Variants in IGF2BP2 observed in about 807,000 individuals in gnomAD.
IGF2BP2 encodes insulin like growth factor 2 mRNA binding protein 2, also known as insulin-like growth factor 2 mRNA-binding protein 2.
In IGF2BP2, 17 loss-of-function variants were observed where a neutral mutation model predicts 75.8. That is an observed-to-expected ratio of 0.22 (90% CI 0.15 to 0.34). The LOEUF (loss-of-function observed/expected upper bound fraction) is 0.34, where lower values mean the gene tolerates loss of function less well. Among genes scored for constraint, IGF2BP2 ranks in the 10% least tolerant of loss-of-function variants. IGF2BP2 has a pLI of 1.00. For missense variants in IGF2BP2, 516 were observed against 772.4 expected (o/e 0.67, Z 3.93); for synonymous variants, 288 against 295.6 (o/e 0.97, Z 0.26).
Position 185,672,565 on chromosome 3 carries a change from G to A in IGF2BP2, c.1176C>T (p.Pro392=), listed in dbSNP as rs769463946. The change falls in exon 10 of 16, where the codon CCC becomes CCT. Residue 392 remains proline, a synonymous_variant. Transcript: ENST00000382199. ...CAGTGAAGGGGTGGTAGGGGGCAGC[G>A]GGGGGAGCTCCGCGGGGCCCTGCTG... is the stretch of plus-strand genomic sequence containing the variant. ...SPPAGPRGAP[P]AAPYHPFTTH... The A allele has an allele frequency of 4.2e-5, 68 of 1,611,966 alleles. No homozygotes were observed. Among genetic ancestry groups the A allele is most frequent in the Admixed American group, 2.0e-4 (12 of 59,928 alleles).
intron 2 of IGF2BP2, among the ~76,000 whole-genome samples, chr3:185,730,286 T>A (rs1195789132): frequency 1.3e-5 from 2 of 152,184 alleles, no homozygotes; most frequent in Non-Finnish European, 2.9e-5. Context: ...AATAATTTCA[T>A]TCCTTTGTAT....
intron 2 of IGF2BP2, among the ~76,000 whole-genome samples, chr3:185,820,212 G>A (rs1214371356): frequency 7.5e-6 from 1 of 133,056 alleles, no homozygotes; most frequent in Non-Finnish European, 1.5e-5. Context: ...GTATGTGTGT[G>A]TGTGTATGTG....
intron 2 of IGF2BP2, among the ~76,000 whole-genome samples, chr3:185,784,769 G>A (rs760678787): frequency 3.9e-5 from 6 of 152,166 alleles, no homozygotes; most frequent in Non-Finnish European, 1.5e-5. Context: ...AGGGTACAAT[G>A]GGCATTTGCA....
At chr3:185,651,541 C>T (rs974176609) in intron 13 of IGF2BP2, among the ~76,000 whole-genome samples, 2 of 152,136 alleles carry the variant, frequency 1.3e-5, no homozygotes, top group Non-Finnish European at 2.9e-5. Context: ...AGTGGTTCCA[C>T]ATGTGTGAAT....
chr3:185,808,303 T>C (rs911273630), intron 2 of IGF2BP2, among the ~76,000 whole-genome samples: 6 of 141,952 alleles, frequency 4.2e-5, no homozygotes, highest in African/African-American at 1.7e-4. Flanking sequence ...GGTGAAACAC[T>C]GTCTCTACTA....
rs1722317432 is a variant in IGF2BP2 at position 185,694,362 on chromosome 3, G to C, written c.341-1600C>G. Among the ~76,000 whole-genome samples the C allele has an allele frequency of 2.0e-5, 3 of 152,162 alleles. No individual in the cohort carries two copies. In the South Asian group the frequency reaches 6.2e-4, roughly 32 times the overall value. On this transcript the variant is annotated intron_variant, in intron 4 of 15. Transcript: ENST00000382199. ...ACCTCCTGAATAAAGCTATCCATTA[G>C]GATTCTCAGATTCTGTGCTCACTTC...
chr3:185,757,392 T>G (rs1372839180), intron 2 of IGF2BP2, among the ~76,000 whole-genome samples: 2 of 152,272 alleles, frequency 1.3e-5, no homozygotes, highest in East Asian at 3.9e-4. Context: ...TGTTTTTATA[T>G]TTTCCTTTCT....
intron 2 of IGF2BP2, among the ~76,000 whole-genome samples, chr3:185,747,990 C>T (rs1196355797): frequency 6.6e-6 from 1 of 151,814 alleles, no homozygotes; most frequent in Non-Finnish European, 1.5e-5. Flanking sequence ...CGAGTAGCTG[C>T]GACTACAGGC....
chr3:185,741,321 G>C (rs79108629), intron 2 of IGF2BP2, among the ~76,000 whole-genome samples: 1 of 152,246 alleles, frequency 6.6e-6, no homozygotes, highest in East Asian at 1.9e-4. Context: ...AAATCCAACA[G>C]AACCATATGC....
chr3:185,700,684 T>C (rs532825203), intron 2 of IGF2BP2, among the ~76,000 whole-genome samples: 1 of 152,290 alleles, frequency 6.6e-6, no homozygotes, highest in East Asian at 1.9e-4. Context: ...TGACTCCAAC[T>C]GCTAACCAAC....
intron 4 of IGF2BP2, 51 bp downstream of exon 4, chr3:185,696,561 A>G: frequency 1.3e-6 from 2 of 1,497,456 alleles, no homozygotes; most frequent in Non-Finnish European, 1.9e-6. Context: ...CCTATAAGAA[A>G]TAACAGATAA....
intron 2 of IGF2BP2, among the ~76,000 whole-genome samples, chr3:185,762,126 G>A (rs940666272): frequency 4.6e-5 from 7 of 152,106 alleles, no homozygotes; most frequent in Non-Finnish European, 7.4e-5. Context: ...GGTGGCTCAC[G>A]CCTGTAATCC....
At chr3:185,710,716 G>C (rs550803342) in intron 2 of IGF2BP2, among the ~76,000 whole-genome samples, 1 of 151,962 alleles carries the variant, frequency 6.6e-6, no homozygotes, top group East Asian at 1.9e-4. Context: ...CTGGGCAATA[G>C]AGCGAGACTC....
chr3:185,648,330 G>A (rs1577790465), intron 14 of IGF2BP2, among the ~76,000 whole-genome samples: 1 of 151,952 alleles, frequency 6.6e-6, no homozygotes, highest in Non-Finnish European at 1.5e-5. Context: ...GGGCATGGTG[G>A]CGGGCGCCTG....
chr3:185,652,330 AG>A (rs1714739096), intron 12 of IGF2BP2, among the ~76,000 whole-genome samples, 162 bp from the exon 13 acceptor site: 1 of 152,084 alleles, frequency 6.6e-6, no homozygotes, highest in Non-Finnish European at 1.5e-5. Context: ...CCCTGGTCTT[AG>A]GAAGTCATGA....
intron 12 of IGF2BP2, among the ~76,000 whole-genome samples, chr3:185,653,679 G>T (rs1393994028): frequency 6.6e-6 from 1 of 152,046 alleles, no homozygotes; most frequent in Non-Finnish European, 1.5e-5. Flanking sequence ...CCAAGACCGA[G>T]GTCAGAACAC....
intron 2 of IGF2BP2, among the ~76,000 whole-genome samples, chr3:185,793,957 C>CT (rs576340143): frequency 0.024 from 2,963 of 125,468 alleles, 88 homozygotes; most frequent in African/African-American, 0.073. Context: ...AAGCAGATTC[C>CT]TTTTTTTTTT....
intron 12 of IGF2BP2, among the ~76,000 whole-genome samples, chr3:185,655,541 T>C (rs1715295746): frequency 6.6e-6 from 1 of 152,216 alleles, no homozygotes; most frequent in Admixed American, 6.5e-5. Context: ...AAAAGATTGT[T>C]GGCCCAGCAT....
At chr3:185,706,212 A>T (rs1723995588) in intron 2 of IGF2BP2, among the ~76,000 whole-genome samples, 1 of 152,160 alleles carries the variant, frequency 6.6e-6, no homozygotes, top group Non-Finnish European at 1.5e-5. Flanking sequence ...CTACAAAAAG[A>T]GATGGTGGAT....
Sources: gnomAD v4.1 joint callset for allele counts (sites outside exome capture counted in the v4.1 genomes callset) on GRCh38, gnomAD v4.1.1 for gene constraint, MANE v1.5 for transcripts, NCBI Gene and HGNC (gene_info 2026-07-23, HGNC 2026-07-21) for gene names.